Variants in UNC5C observed in about 807,000 individuals in gnomAD.
UNC5C encodes the protein netrin receptor UNC5C.
In UNC5C, 47 loss-of-function variants were observed where a neutral mutation model predicts 99.8. The observed-to-expected ratio is 0.47, with a 90% CI of 0.37 to 0.60. The LOEUF is 0.60. Ranked by LOEUF, UNC5C falls within the 20% of genes least tolerant of loss-of-function variation. UNC5C has a pLI of 0.00. For missense variants in UNC5C, 1,062 were observed against 1,165.9 expected (o/e 0.91, Z 1.30); for synonymous variants, 487 against 452.2 (o/e 1.08, Z -0.98).
At chr4:95,437,577 A>T (rs1459905471) in intron 1 of UNC5C, among the ~76,000 whole-genome samples, 4 of 152,072 alleles carry the variant, frequency 2.6e-5, no homozygotes, top group Non-Finnish European at 5.9e-5. Context: ...TACATGATAA[A>T]ATAAGAAACT....
chr4:95,385,525 C>T (rs1745189020), intron 1 of UNC5C, among the ~76,000 whole-genome samples: 1 of 152,006 alleles, frequency 6.6e-6, no homozygotes, highest in African/African-American at 2.4e-5. Flanking sequence ...CAAAAGTGTC[C>T]ACTGCTATCA....
intron 1 of UNC5C, among the ~76,000 whole-genome samples, chr4:95,395,360 C>A (rs1235254426): frequency 1.3e-5 from 2 of 152,086 alleles, no homozygotes; most frequent in Non-Finnish European, 2.9e-5. Context: ...CAGGTTTTAT[C>A]AAAGCATTAT....
intron 5 of UNC5C, among the ~76,000 whole-genome samples, chr4:95,245,390 A>G (rs1560750947): frequency 6.6e-6 from 1 of 152,126 alleles, no homozygotes; most frequent in Non-Finnish European, 1.5e-5. Context: ...ATAGGACTGT[A>G]TGTGTTCTCT....
intron 1 of UNC5C, among the ~76,000 whole-genome samples, chr4:95,409,677 G>A (rs1386909210): frequency 6.6e-6 from 1 of 152,144 alleles, no homozygotes; most frequent in Non-Finnish European, 1.5e-5. Context: ...TGGGGGATAT[G>A]TCTCTTGGAC....
chr4:95,218,626 G>A (rs571607714), intron 9 of UNC5C, among the ~76,000 whole-genome samples: 27 of 152,232 alleles, frequency 1.8e-4, no homozygotes, highest in Admixed American at 9.8e-4. Context: ...TAATTAATTC[G>A]TCCTTTTAAA....
intron 3 of UNC5C, among the ~76,000 whole-genome samples, chr4:95,288,005 T>C (rs1028346869): frequency 1.3e-5 from 2 of 152,156 alleles, no homozygotes; most frequent in Admixed American, 6.5e-5. Context: ...ATTTCCCTTA[T>C]GATATATAAC....
chr4:95,458,795 A>G (rs991246683), intron 1 of UNC5C, among the ~76,000 whole-genome samples: 3 of 152,078 alleles, frequency 2.0e-5, no homozygotes, highest in East Asian at 1.9e-4. Context: ...TAATGATCCA[A>G]TGAGTAAGTG....
intron 1 of UNC5C, among the ~76,000 whole-genome samples, chr4:95,536,082 A>ATATATATATATATATATATAT: frequency 1.3e-5 from 1 of 78,444 alleles, no homozygotes; most frequent in East Asian, 2.8e-4. Context: ...ATATATATAT[A>ATATATATATATATATATATAT]TTTTTTTTTT....
At chr4:95,518,796 G>T (rs1365702820) in intron 1 of UNC5C, among the ~76,000 whole-genome samples, 4 of 152,138 alleles carry the variant, frequency 2.6e-5, no homozygotes, top group African/African-American at 9.7e-5. Flanking sequence ...TGAAGAGGTT[G>T]CTCTCCAAAG....
intron 1 of UNC5C, among the ~76,000 whole-genome samples, chr4:95,541,109 C>A (rs1265378487): frequency 6.6e-6 from 1 of 152,104 alleles, no homozygotes; most frequent in Non-Finnish European, 1.5e-5. Context: ...GCTCCTTTTA[C>A]CTTTAGTAAA....
chr4:95,266,742 A>G (rs1272337920), intron 4 of UNC5C, among the ~76,000 whole-genome samples: 1 of 152,196 alleles, frequency 6.6e-6, no homozygotes, highest in East Asian at 1.9e-4. Flanking sequence ...TCACATTTCA[A>G]AAATGCTCTG....
At chr4:95,353,000 A>G (rs1744043961) in intron 1 of UNC5C, among the ~76,000 whole-genome samples, 1 of 152,150 alleles carries the variant, frequency 6.6e-6, no homozygotes, top group Admixed American at 6.6e-5. Flanking sequence ...ATTTCACTTA[A>G]TACCATTCCA....
At chr4:95,292,280 T>G (rs13120602) in intron 3 of UNC5C, among the ~76,000 whole-genome samples, 2 of 147,360 alleles carry the variant, frequency 1.4e-5, no homozygotes, top group African/African-American at 4.9e-5. Flanking sequence ...TTTTTTTTGT[T>G]TTTTTTTGAG....
chr4:95,206,833 C>T, intron 10 of UNC5C, 37 bp from the exon 11 acceptor site: 1 of 1,500,706 alleles, frequency 6.7e-7, no homozygotes. Context: ...AGTGACATTT[C>T]CATTGTATTC....
Position 95,206,569 on chromosome 4 carries a change from C to G in UNC5C, c.1902+59G>C, listed in dbSNP as rs1481049437. 3 of 1,603,032 alleles carry G rather than the reference C, an allele frequency of 1.9e-6. No individual in the cohort carries two copies. The African/African-American group carries it at 4.0e-5, about 22-fold the overall frequency. ...ATAAATAAAAGGCCTCCCATAATTGCTCCTGCTTATCTGCATGGATTATTC... is the reference window on the plus strand; with the variant it reads ...ATAAATAAAAGGCCTCCCATAATTGGTCCTGCTTATCTGCATGGATTATTC... On this transcript the variant is annotated intron_variant, in intron 11 of 15. Transcript: ENST00000453304.
At chr4:95,197,887 G>C (rs555036356) in intron 12 of UNC5C, among the ~76,000 whole-genome samples, 40 of 151,718 alleles carry the variant, frequency 2.6e-4, no homozygotes, top group African/African-American at 9.4e-4. Context: ...TGACGAGAGA[G>C]TTCAGTGTGG....
intron 1 of UNC5C, among the ~76,000 whole-genome samples, chr4:95,502,848 T>C (rs558653623): frequency 6.6e-6 from 1 of 152,176 alleles, no homozygotes; most frequent in Non-Finnish European, 1.5e-5. Context: ...ATTACCATAA[T>C]CTTTAAAATT....
intron 1 of UNC5C, among the ~76,000 whole-genome samples, chr4:95,363,466 C>G (rs1399770581): frequency 6.6e-6 from 1 of 152,102 alleles, no homozygotes; most frequent in Non-Finnish European, 1.5e-5. Flanking sequence ...ACATTGTTGC[C>G]TCAGTGATAA....
chr4:95,500,731 A>C (rs1721755609), intron 1 of UNC5C, among the ~76,000 whole-genome samples: 2 of 152,186 alleles, frequency 1.3e-5, no homozygotes, highest in Non-Finnish European at 2.9e-5. Context: ...TAGAAAATTA[A>C]TGCAGCCAGG....
Sources: allele counts gnomAD v4.1 joint callset (sites outside exome capture counted in the v4.1 genomes callset), GRCh38; gene constraint gnomAD v4.1.1; transcripts MANE v1.5; gene names NCBI Gene and HGNC (gene_info 2026-07-23, HGNC 2026-07-21).